The following ABCB4 variants were observed in gnomAD, a reference collection of about 807,000 sequenced individuals.
The protein encoded by ABCB4 is ATP binding cassette subfamily B member 4.
ABCB4 carries 76 observed loss-of-function variants against 145.7 expected under a neutral mutation model. That is an observed-to-expected ratio of 0.52 (90% CI 0.43 to 0.63). The LOEUF (loss-of-function observed/expected upper bound fraction) is 0.63. Among genes scored for constraint, ABCB4 ranks in the 30% least tolerant of loss-of-function variants. The pLI, the probability that ABCB4 is intolerant of heterozygous loss-of-function variation, is 0.00. For missense variants in ABCB4, 1,234 were observed against 1,553.1 expected (o/e 0.79, Z 3.45); for synonymous variants, 517 against 566.8 (o/e 0.91, Z 1.25).
At chr7:87,413,238 C>T (rs978289289) in intron 22 of ABCB4, among the ~76,000 whole-genome samples, 3 of 152,138 alleles carry the variant, frequency 2.0e-5, no homozygotes, top group Non-Finnish European at 4.4e-5. Flanking sequence ...GGAACATACC[C>T]AATAGCAAGT....
chr7:87,375,572 G>A, the ABCB4 span: 3 of 1,285,916 alleles, frequency 2.3e-6, no homozygotes, highest in Non-Finnish European at 3.4e-6. Flanking sequence ...ACCTTTTAAA[G>A]GCCAAAGTAG....
At chr7:87,376,098 A>T in the ABCB4 span, 1 of 664,222 alleles carries the variant, frequency 1.5e-6, no homozygotes, top group East Asian at 2.9e-5. Context: ...TGCCAAATTG[A>T]AGCTTATAAA....
At chr7:87,460,302 A>G (rs1812366684) in intron 4 of ABCB4, among the ~76,000 whole-genome samples, 1 of 152,056 alleles carries the variant, frequency 6.6e-6, no homozygotes. Flanking sequence ...TTCAATTTTT[A>G]TTTTAGATTC....
chr7:87,394,239 A>G, the ABCB4 span, among the ~76,000 whole-genome samples: 1 of 152,222 alleles, frequency 6.6e-6, no homozygotes, highest in African/African-American at 2.4e-5. Flanking sequence ...AGTTGCAAGT[A>G]TCTCCTTAAG....
chr7:87,467,532 G>T (rs1339151088), intron 3 of ABCB4, among the ~76,000 whole-genome samples: 1 of 152,156 alleles, frequency 6.6e-6, no homozygotes, highest in Admixed American at 6.5e-5. Context: ...ACTCAGCTCT[G>T]CACCAAGTGG....
At chr7:87,464,324 A>G (rs1295542910) in intron 3 of ABCB4, among the ~76,000 whole-genome samples, 1 of 152,214 alleles carries the variant, frequency 6.6e-6, no homozygotes, top group East Asian at 1.9e-4. Context: ...GAACCGAAAG[A>G]GACAAAGGGT....
chr7:87,464,925 C>A (rs557288648), intron 3 of ABCB4, among the ~76,000 whole-genome samples: 14 of 152,178 alleles, frequency 9.2e-5, no homozygotes, highest in African/African-American at 3.1e-4. Flanking sequence ...AGGAACAGCT[C>A]CAGTCAACAG....
chr7:87,389,588 ACAG>A, the ABCB4 span, among the ~76,000 whole-genome samples: 1 of 150,710 alleles, frequency 6.6e-6, no homozygotes, highest in Non-Finnish European at 1.5e-5. Flanking sequence ...ATACATGGAC[ACAG>A]GAAGGGAACA....
chr7:87,373,985 C>G, the ABCB4 span, among the ~76,000 whole-genome samples: 1 of 151,968 alleles, frequency 6.6e-6, no homozygotes, highest in African/African-American at 2.4e-5. Context: ...ACTAGGTTTC[C>G]TTAATGGGAC....
intron 15 of ABCB4, among the ~76,000 whole-genome samples, chr7:87,428,629 CT>C (rs1455679830): frequency 6.6e-6 from 1 of 152,136 alleles, no homozygotes; most frequent in Non-Finnish European, 1.5e-5. Context: ...AGTGTATTTT[CT>C]TTTTATGTAA....
chr7:87,403,304 A>C (rs898607878), intron 26 of ABCB4, 23 bp from the exon 27 acceptor site: 1 of 1,602,618 alleles, frequency 6.2e-7, no homozygotes, highest in Non-Finnish European at 8.5e-7. Context: ...CAAATTATAA[A>C]TATGTTGAAT....
chr7:87,454,530 G>A lies in ABCB4; in HGVS notation c.344+5C>T, dbSNP rs1261630616. The A allele has an allele frequency of 1.2e-6, 2 of 1,603,082 alleles. No individual in the cohort carries two copies. Among genetic ancestry groups the A allele is most frequent in the Admixed American group, 3.3e-5 (2 of 59,862 alleles). ...TTAAAAAAGTAGACCATATATATGA[G>A]TTACCTAGTCATTTCTTCTTCCAGA... is the stretch of plus-strand genomic sequence containing the variant. On this transcript the variant is annotated splice_donor_5th_base_variant and intron_variant, in intron 5 of 27. Transcript: ENST00000649586.
the ABCB4 span, among the ~76,000 whole-genome samples, chr7:87,393,638 A>G: frequency 1.3e-5 from 2 of 152,198 alleles, no homozygotes; most frequent in Non-Finnish European, 2.9e-5. Context: ...GTCCTTATCT[A>G]CAGTCTGGCA....
At chr7:87,387,825 G>C in the ABCB4 span, among the ~76,000 whole-genome samples, 1 of 152,144 alleles carries the variant, frequency 6.6e-6, no homozygotes, top group Non-Finnish European at 1.5e-5. Flanking sequence ...TGTGGTGCAT[G>C]CCTGTAATTC....
In ABCB4 at chr7:87,451,623, C is replaced by A. The variant is rs773702342; in HGVS notation, c.708G>T (p.Lys236Asn). Residue 236 changes from lysine (K) to asparagine (N), a missense_variant and splice_region_variant, in exon 7 of 28, where the codon AAG becomes AAT. By Grantham distance (94) the Lys-to-Asn change is moderately conservative. Transcript: ENST00000649586. Reference protein sequence around the residue: ...ILGLSAAVWAKILSAFSDKEL... With the variant: ...ILGLSAAVWANILSAFSDKEL... ...ATAAAAAGGCCCAGCTTTCACATAC[C>A]TTTGCCCAAACGGCTGCAGAGAGTC... The A allele has an allele frequency of 6.2e-7, 1 of 1,614,126 alleles. No homozygotes were observed. The highest frequency in any genetic ancestry group is 1.1e-5 in the South Asian group (1 of 91,086).
chr7:87,460,932 A>T (rs1230145039), intron 4 of ABCB4, among the ~76,000 whole-genome samples: 1 of 151,936 alleles, frequency 6.6e-6, no homozygotes, highest in African/African-American at 2.4e-5. Flanking sequence ...ACAAATACAC[A>T]ATAGAAAATT....
chr7:87,373,862 G>C, the ABCB4 span, among the ~76,000 whole-genome samples: 1 of 152,076 alleles, frequency 6.6e-6, no homozygotes, highest in Non-Finnish European at 1.5e-5. Flanking sequence ...CTTCAGTGAC[G>C]TATGGAGACG....
chr7:87,449,917 C>T (rs1488502214), intron 8 of ABCB4, 51 bp downstream of exon 8: 8 of 1,613,770 alleles, frequency 5.0e-6, no homozygotes, highest in Non-Finnish European at 6.8e-6. Flanking sequence ...GAAGAAGCAA[C>T]AAAATGTAAA....
the ABCB4 span, chr7:87,369,441 G>T: frequency 9.9e-6 from 16 of 1,613,256 alleles, 1 homozygote; most frequent in South Asian, 1.8e-4. Flanking sequence ...TGTCTTTGAT[G>T]TAATACATGA....
Sources: allele counts gnomAD v4.1 joint callset (sites outside exome capture counted in the v4.1 genomes callset), GRCh38; gene constraint gnomAD v4.1.1; transcripts MANE v1.5; gene names NCBI Gene and HGNC (gene_info 2026-07-23, HGNC 2026-07-21).